The following OSCP1 variants were observed in gnomAD, a reference collection of about 807,000 sequenced individuals.
OSCP1 encodes organic solute carrier partner 1.
OSCP1 carries 35 observed loss-of-function variants against 45.1 expected under a neutral mutation model. The observed-to-expected ratio is 0.78, with a 90% CI of 0.59 to 1.03. OSCP1 has a LOEUF of 1.03. OSCP1 is among the 50% of genes least tolerant of loss of function. The pLI is 0.00. For missense variants in OSCP1, 400 were observed against 470.7 expected (o/e 0.85, Z 1.39); for synonymous variants, 179 against 180.1 (o/e 0.99, Z 0.05).
chr1:36,421,475 C>G (rs1359577515), intron 7 of OSCP1, among the ~76,000 whole-genome samples: 1 of 152,206 alleles, frequency 6.6e-6, no homozygotes, highest in Admixed American at 6.5e-5. Context: ...TCCCTGTCCA[C>G]TGGACAGACA....
At chr1:36,423,691 G>A (rs1388872546) in intron 4 of OSCP1, among the ~76,000 whole-genome samples, 1 of 151,790 alleles carries the variant, frequency 6.6e-6, no homozygotes, top group African/African-American at 2.4e-5. Context: ...TGGCTAACAC[G>A]GTGAAACCCT....
rs751450900 is a variant in OSCP1 at position 36,423,478 on chromosome 1, TAC to T, written c.517-14_517-13del. ...AGAAACATGGATACCTGGAAAAAAATACATTTATTGTCATTTTTCTTGGTATA... is the reference window on the plus strand; with the variant it reads ...AGAAACATGGATACCTGGAAAAAAATATTTATTGTCATTTTTCTTGGTATA... On this transcript the variant is annotated splice_polypyrimidine_tract_variant and intron_variant, in intron 4 of 9. Coordinates refer to ENST00000235532, the MANE Select transcript of OSCP1 (RefSeq NM_145047.5). The T allele has an allele frequency of 3.8e-6, 6 of 1,571,420 alleles. No individual in the cohort carries two copies. In the African/African-American group the frequency reaches 8.1e-5, roughly 21 times the overall value.
intron 1 of OSCP1, among the ~76,000 whole-genome samples, chr1:36,449,843 A>AAAAAAAAAT (rs1649782399): frequency 7.0e-6 from 1 of 143,296 alleles, no homozygotes; most frequent in African/African-American, 2.7e-5. Flanking sequence ...CTCAAAAAAA[A>AAAAAAAAAT]AAAAAAAAAA....
At chr1:36,418,917 AC>A (rs1647439707) in intron 9 of OSCP1, 73 bp downstream of exon 9, 3 of 1,241,574 alleles carry the variant, frequency 2.4e-6, no homozygotes, top group Admixed American at 3.7e-5. Flanking sequence ...ACAGAGCGAG[AC>A]CCTGTCTCAA....
chr1:36,426,523 T>A (rs1557550252), intron 4 of OSCP1, among the ~76,000 whole-genome samples: 1 of 152,112 alleles, frequency 6.6e-6, no homozygotes, highest in East Asian at 1.9e-4. Context: ...CCCTAGGATG[T>A]ACCTCAAATT....
intron 4 of OSCP1, among the ~76,000 whole-genome samples, chr1:36,424,180 A>C (rs948212230): frequency 7.2e-5 from 11 of 152,262 alleles, no homozygotes; most frequent in African/African-American, 2.6e-4. Context: ...AGCCCAAGTG[A>C]TCTGCCTGCC....
chr1:36,420,356 AT>A, intron 8 of OSCP1, 119 bp downstream of exon 8: 1 of 1,208,212 alleles, frequency 8.3e-7, no homozygotes, highest in Admixed American at 2.4e-5. Flanking sequence ...ATTTGTTGGT[AT>A]TTTATTTGTG....
chr1:36,424,105 C>T (rs113443811), intron 4 of OSCP1, among the ~76,000 whole-genome samples: 5,740 of 152,046 alleles, frequency 0.038, 352 homozygotes, highest in African/African-American at 0.13. Context: ...CCACTGTGCC[C>T]AGCTAATTTT....
chr1:36,419,807 T>G (rs1423642878), intron 8 of OSCP1, among the ~76,000 whole-genome samples: 1 of 152,146 alleles, frequency 6.6e-6, no homozygotes, highest in Non-Finnish European at 1.5e-5. Flanking sequence ...AACTCTTTTT[T>G]TGTTTTGTTT....
intron 2 of OSCP1, among the ~76,000 whole-genome samples, chr1:36,435,641 T>G (rs1179268858): frequency 6.6e-6 from 1 of 152,062 alleles, no homozygotes; most frequent in Non-Finnish European, 1.5e-5. Context: ...ACTTTTTTTT[T>G]TTTGTTTTGA....
At chr1:36,449,396 C>T (rs1557573768) in intron 1 of OSCP1, among the ~76,000 whole-genome samples, 1 of 151,410 alleles carries the variant, frequency 6.6e-6, no homozygotes, top group Non-Finnish European at 1.5e-5. Flanking sequence ...TATTCCCCTC[C>T]AACACTTGTG....
Position 36,432,521 on chromosome 1 carries a change from CA to C in OSCP1, c.335del (p.Leu112ArgfsTer32). 6.2e-7 allele frequency: 1 copy of C among 1,614,128 alleles called. No homozygotes were observed. The highest frequency in any genetic ancestry group is 8.5e-7 in the Non-Finnish European group (1 of 1,180,012). ...VLLCPRPKDV[L>X]LVTFNHLDTI... ...TATCCAAGTGATTGAAAGTGACCAG[CA>C]GCACATCCTTGGGTCGGGGACACAG... is the stretch of plus-strand genomic sequence containing the variant. On this transcript the variant is annotated frameshift_variant, in exon 3 of 10. Coordinates refer to ENST00000235532, the MANE Select transcript of OSCP1 (RefSeq NM_145047.5). LOFTEE classifies it high-confidence loss of function.
At chr1:36,438,730 G>A (rs760088250) in intron 2 of OSCP1, 26 bp downstream of exon 2, 1 of 1,576,838 alleles carries the variant, frequency 6.3e-7, no homozygotes, top group Non-Finnish European at 8.6e-7. Flanking sequence ...ATGCAACCAA[G>A]ATGACAAAGG....
Position 36,450,343 on chromosome 1 carries a change from G to T in OSCP1, c.27C>A (p.Leu9=), listed in dbSNP as rs1031353425. Residue 9 remains leucine (L), a synonymous_variant, in exon 1 of 10, where the codon CTC becomes CTA. Coordinates refer to ENST00000235532, the MANE Select transcript of OSCP1 (RefSeq NM_145047.5). ...GCATCTCCCCGCCCAAGTTCAAGAA[G>T]AGCAGCGGTAGCGTCCGCACCGACA... The part of the protein sequence containing the change: MSVRTLPL[L]FLNLGGEMLY... 2.5e-6 allele frequency: 4 copies of T among 1,613,842 alleles called. No homozygotes were observed. The highest frequency in any genetic ancestry group is 1.1e-5 in the South Asian group (1 of 91,082).
intron 1 of OSCP1, among the ~76,000 whole-genome samples, chr1:36,444,738 G>A (rs116628378): frequency 0.017 from 2,642 of 152,280 alleles, 65 homozygotes; most frequent in African/African-American, 0.06. Context: ...AAATCGGTGA[G>A]AATCAAGACT....
intron 7 of OSCP1, 112 bp downstream of exon 7, chr1:36,422,038 A>G (rs1647647230): frequency 1.9e-6 from 2 of 1,035,536 alleles, no homozygotes; most frequent in Non-Finnish European, 3.0e-6. Context: ...ATTGCACACA[A>G]CAGGGGAAAT....
rs758642416 is a variant in OSCP1 at position 36,450,240 on chromosome 1, G to C, written c.112+18C>G. 8.4e-5 allele frequency: 135 copies of C among 1,601,932 alleles called. No homozygotes were observed. The highest frequency in any genetic ancestry group is 6.8e-6 in the Non-Finnish European group (8 of 1,170,366). On this transcript the variant is annotated intron_variant, in intron 1 of 9. Coordinates refer to ENST00000235532, the MANE Select transcript of OSCP1 (RefSeq NM_145047.5). The stretch of plus-strand genomic sequence containing the variant: ...CTGCTGGCTGCGGGTCTGGCTGAGC[G>C]GGCCGGGGGCCTCTCACCTTTGCGG...
intron 2 of OSCP1, among the ~76,000 whole-genome samples, 174 bp downstream of exon 2, chr1:36,438,582 G>T (rs1648914281): frequency 6.6e-6 from 1 of 152,226 alleles, no homozygotes; most frequent in South Asian, 2.1e-4. Flanking sequence ...AGGGGTTGTT[G>T]TGGATGATTT....
intron 2 of OSCP1, 125 bp downstream of exon 2, chr1:36,438,631 T>C: frequency 8.7e-7 from 1 of 1,144,006 alleles, no homozygotes; most frequent in Non-Finnish European, 1.2e-6. Flanking sequence ...CAACTACTAG[T>C]ATTTACACAT....
Sources: gnomAD v4.1 joint callset for allele counts (sites outside exome capture counted in the v4.1 genomes callset) on GRCh38, gnomAD v4.1.1 for gene constraint, MANE v1.5 for transcripts, NCBI Gene and HGNC (gene_info 2026-07-23, HGNC 2026-07-21) for gene names.